CAPN14: variants seen among roughly 807,000 people sequenced by gnomAD.
The protein encoded by CAPN14 is calpain 14.
CAPN14 carries 94 observed loss-of-function variants against 101.3 expected under a neutral mutation model. The observed-to-expected ratio is 0.93, with a 90% CI of 0.79 to 1.10. The LOEUF (loss-of-function observed/expected upper bound fraction) is 1.10, where lower values mean the gene tolerates loss of function less well. CAPN14 is among the 50% of genes least tolerant of loss of function. The probability of loss-of-function intolerance (pLI) is 0.00; values close to 1 mark genes in which losing one functional copy is unlikely to be tolerated. For synonymous variants in CAPN14, 338 were observed against 317.9 expected (o/e 1.06, Z -0.67); for missense variants, 837 against 828.4 (o/e 1.01, Z -0.13).
chr2:31,183,902 T>G (rs1334365737), intron 16 of CAPN14, among the ~76,000 whole-genome samples: 1 of 151,612 alleles, frequency 6.6e-6, no homozygotes, highest in East Asian at 1.9e-4. Context: ...CTTTTTTTCT[T>G]TAGAGATGGA....
chr2:31,205,501 T>C lies in CAPN14; in HGVS notation c.-52-2A>G, dbSNP rs1682027347. The C allele has an allele frequency of 7.2e-7, 1 of 1,392,026 alleles. No homozygotes were observed. Among genetic ancestry groups the C allele is most frequent in the Non-Finnish European group, 1.0e-6 (1 of 1,002,610 alleles). The allele number at this position is 1,392,026 out of a possible 1,614,324, so 86.2% of individuals were successfully genotyped here. A position where few individuals can be genotyped will look rare whatever the true frequency, so the allele number is the denominator to read the frequency against. ...CTTCCTGAGGAGTCTCTGCTGCTCC[T>C]GAAATGGAGAGAGGACGGTCAGTTT... On this transcript the variant is annotated splice_acceptor_variant, in intron 1 of 21. Coordinates refer to ENST00000403897, the MANE Select transcript of CAPN14 (RefSeq NM_001145122.2). LOFTEE classifies it low-confidence loss of function (5UTR_SPLICE).
upstream of CAPN14, among the ~76,000 whole-genome samples, chr2:31,219,334 G>A (rs1253146817): frequency 6.6e-6 from 1 of 152,198 alleles, no homozygotes; most frequent in Non-Finnish European, 1.5e-5. Context: ...ACATCTCAGA[G>A]GTCATACATC....
At position 31,201,828 on chromosome 2, in the gene CAPN14, G is replaced by A. The variant is rs374726323; in HGVS notation, c.551+34C>T. ...AACATTGAGAGAGAGAAAAAGAAGC[G>A]ATGGGAAGGGGGATATTTCTGCCGG... On this transcript the variant is annotated intron_variant, in intron 5 of 21. Coordinates refer to ENST00000403897, the MANE Select transcript of CAPN14 (RefSeq NM_001145122.2). 250 of 1,545,288 alleles carry A rather than the reference G, an allele frequency of 1.6e-4. No individual in the cohort carries two copies. In the East Asian group the frequency reaches 1.8e-3, roughly 11 times the overall value.
chr2:31,189,443 G>A lies in CAPN14; in HGVS notation c.1323C>T (p.Phe441=). ...GGCTCAGAGGAGTGTTTCTCTGGAA[G>A]AACTCAGGGGGCAGTCTCCTCTGGT... The part of the protein sequence containing the change: ...HDDQRRLPPE[F]FQRNTPLSQP... The change falls in exon 13 of 22, where the codon TTC becomes TTT. Residue 441 remains phenylalanine (F), a synonymous_variant. Transcript: ENST00000403897. 6.4e-7 allele frequency: 1 copy of A among 1,551,684 alleles called. No homozygotes were observed. Among genetic ancestry groups the A allele is most frequent in the Non-Finnish European group, 8.7e-7 (1 of 1,146,976 alleles).
intron 1 of CAPN14, among the ~76,000 whole-genome samples, 172 bp from the exon 2 acceptor site, chr2:31,205,671 A>G (rs1184497346): frequency 6.6e-6 from 1 of 152,130 alleles, no homozygotes; most frequent in Non-Finnish European, 1.5e-5. Context: ...TTGAGCACTC[A>G]CTCAAGTGCT....
chr2:31,176,604 A>G lies in CAPN14; in HGVS notation c.2011T>C (p.Tyr671His). ...AGTCTTACCTCTGGCTTCTGGAGGT[A>G]TATCCCTTTGCCATCTTGGGTTAAG... ...QNLTQDGKGI[Y>H]LQKPEWMMMA... The change falls in exon 21 of 22, where the codon TAC becomes CAC. Residue 671 changes from tyrosine to histidine, a missense_variant. Transcript: ENST00000403897. 6.4e-7 allele frequency: 1 copy of G among 1,551,712 alleles called. No homozygotes were observed. Among genetic ancestry groups the G allele is most frequent in the East Asian group, 2.4e-5 (1 of 40,922 alleles).
At chr2:31,187,686 T>A (rs1680969959) in intron 15 of CAPN14, 72 bp downstream of exon 15, 3 of 1,353,340 alleles carry the variant, frequency 2.2e-6, no homozygotes, top group South Asian at 1.3e-5. Context: ...TGCAAACCTA[T>A]ACTTTATAAA....
At chr2:31,208,312 G>C (rs559467529) in intron 1 of CAPN14, among the ~76,000 whole-genome samples, 1 of 152,224 alleles carries the variant, frequency 6.6e-6, no homozygotes, top group East Asian at 1.9e-4. Flanking sequence ...ACAAAGGCAA[G>C]GTCTCCCTTT....
intron 1 of CAPN14, among the ~76,000 whole-genome samples, chr2:31,206,114 C>A (rs1659499952): frequency 6.7e-6 from 1 of 150,130 alleles, no homozygotes; most frequent in South Asian, 2.1e-4. Flanking sequence ...CTCAATGCAA[C>A]CCCTGGCTTC....
chr2:31,191,427 A>ACC lies in CAPN14; in HGVS notation c.1279-21_1279-20insGG. The ACC allele has an allele frequency of 6.6e-7, 1 of 1,523,392 alleles. No individual in the cohort carries two copies. Among genetic ancestry groups the ACC allele is most frequent in the Non-Finnish European group, 8.8e-7 (1 of 1,135,356 alleles). The allele number at this position is 1,523,392 out of a possible 1,614,324, so 94.4% of individuals were successfully genotyped here. A position where few individuals can be genotyped will look rare whatever the true frequency, so the allele number is the denominator to read the frequency against. On this transcript the variant is annotated intron_variant, in intron 11 of 21. Transcript: ENST00000403897. ...GTTCATCTAAAAAACAAAAACAAAA[A>ACC]CAGAAAAAAAAAAAAAAAGAGGAGA...
At chr2:31,195,803 CT>C (rs111881459) in intron 8 of CAPN14, among the ~76,000 whole-genome samples, 1 of 152,028 alleles carries the variant, frequency 6.6e-6, no homozygotes, top group Admixed American at 6.6e-5. Context: ...TAACTACCTA[CT>C]TTAAAAAAAG....
chr2:31,190,455 C>A (rs956919359), intron 12 of CAPN14, among the ~76,000 whole-genome samples: 3 of 152,140 alleles, frequency 2.0e-5, no homozygotes, highest in Non-Finnish European at 2.9e-5. Flanking sequence ...TACTAGGAAT[C>A]TCAGAGCTAA....
At position 31,196,450 on chromosome 2, in the gene CAPN14, G is replaced by T. The variant is rs143304278; in HGVS notation, c.875+799C>A. Among the ~76,000 whole-genome samples, 12 of 152,314 alleles carry T rather than the reference G, an allele frequency of 7.9e-5. No homozygotes were observed. In the East Asian group the frequency reaches 2.3e-3, roughly 29 times the overall value. On this transcript the variant is annotated intron_variant, in intron 8 of 21. Coordinates refer to ENST00000403897, the MANE Select transcript of CAPN14 (RefSeq NM_001145122.2). ...CTCTAACAACACTGTTTACTAATGTGTAACAAATATAATGCAGCACATTCT... is the reference window on the plus strand; with the variant it reads ...CTCTAACAACACTGTTTACTAATGTTTAACAAATATAATGCAGCACATTCT...
At position 31,230,257 on chromosome 2, in the gene CAPN14, G is replaced by C. The variant is rs79457977; in HGVS notation, c.-177+3534C>G. Among the ~76,000 whole-genome samples the C allele has an allele frequency of 0.045, 6,834 of 152,212 alleles. 191 individuals are homozygous for C. The highest frequency in any genetic ancestry group is 0.062 in the Non-Finnish European group (4,250 of 68,008). ...TGTGGCACATTTATCCATTTACTCG[G>C]TGAAGGACATTTAGTTGTTTATAAA... On this transcript the variant is annotated intron_variant and NMD_transcript_variant, in intron 1 of 21. Coordinates refer to the CAPN14 transcript ENST00000398824. The surrounding 1 kb of genome is among the most constrained non-coding windows in gnomAD (Gnocchi z 4.3).
chr2:31,198,580 A>T (rs1391927544), intron 7 of CAPN14, among the ~76,000 whole-genome samples: 2 of 152,202 alleles, frequency 1.3e-5, no homozygotes, highest in Non-Finnish European at 2.9e-5. Context: ...AAATTTTGTT[A>T]ATAAATATGG....
chr2:31,212,329 A>T (rs552429527), intron 1 of CAPN14, among the ~76,000 whole-genome samples: 1 of 140,774 alleles, frequency 7.1e-6, no homozygotes, highest in African/African-American at 3.0e-5. Context: ...AAAAAAAAAC[A>T]AAAAAAACAC....
intron 1 of CAPN14, among the ~76,000 whole-genome samples, chr2:31,215,298 C>T (rs919443577): frequency 5.3e-5 from 8 of 150,204 alleles, no homozygotes; most frequent in African/African-American, 2.0e-4. Context: ...GCATTTGCAT[C>T]TTCAGAGAGT....
chr2:31,215,256 A>T (rs1419748528), intron 1 of CAPN14, among the ~76,000 whole-genome samples: 1 of 137,410 alleles, frequency 7.3e-6, no homozygotes, highest in Non-Finnish European at 1.6e-5. Flanking sequence ...TTTAAAGCAG[A>T]TGTAAATTCA....
intron 13 of CAPN14, 126 bp from the exon 14 acceptor site, chr2:31,188,480 C>T: frequency 2.7e-6 from 2 of 751,062 alleles, no homozygotes; most frequent in Admixed American, 4.0e-5. Flanking sequence ...GCCCACCCAG[C>T]TCTCACACCT....
Sources: allele counts gnomAD v4.1 joint callset (sites outside exome capture counted in the v4.1 genomes callset), GRCh38; gene constraint gnomAD v4.1.1; non-coding constraint Gnocchi (gnomAD v3.1); transcripts MANE v1.5; gene names NCBI Gene and HGNC (gene_info 2026-07-23, HGNC 2026-07-21).